Variants in IGF2 observed in about 807,000 individuals in gnomAD.
IGF2 encodes insulin like growth factor 2, also known as insulin-like growth factor 2.
Under a neutral mutation model 12.0 loss-of-function variants are expected in IGF2, and 2 were observed. The observed-to-expected ratio is 0.17, with a 90% CI of 0.07 to 0.52. The LOEUF is 0.52. Ranked by LOEUF, IGF2 falls within the 20% of genes least tolerant of loss-of-function variation. The pLI, the probability that IGF2 is intolerant of heterozygous loss-of-function variation, is 0.95. For synonymous variants in IGF2, 105 were observed against 110.1 expected (o/e 0.95, Z 0.29); for missense variants, 211 against 268.0 (o/e 0.79, Z 1.48).
In IGF2 at chr11:2,133,355, G is replaced by A. The variant is rs1858754064; in HGVS notation, c.307-132C>T. ...GCTAATGTCCACGGGCAGAGGGACA[G>A]AAGGAGCCAGCGTCTGAGCTGCTCC... is the stretch of plus-strand genomic sequence containing the variant. On this transcript the variant is annotated intron_variant, in intron 3 of 3. Coordinates refer to ENST00000416167, the MANE Select transcript of IGF2 (RefSeq NM_000612.6). The surrounding 1 kb of genome is among the most constrained non-coding windows in gnomAD (Gnocchi z 8.9). 4 of 1,003,378 alleles carry A rather than the reference G, an allele frequency of 4.0e-6. No individual in the cohort carries two copies. The highest frequency in any genetic ancestry group is 5.8e-6 in the Non-Finnish European group (4 of 692,438). The allele number at this position is 1,003,378 out of a possible 1,614,324, so 62.2% of individuals were successfully genotyped here. A position where few individuals can be genotyped will look rare whatever the true frequency, so the allele number is the denominator to read the frequency against.
chr11:2,144,669 C>T (rs1859806501), upstream of IGF2, among the ~76,000 whole-genome samples: 1 of 152,088 alleles, frequency 6.6e-6, no homozygotes, highest in Non-Finnish European at 1.5e-5. Flanking sequence ...ATTAAACCCG[C>T]ATGCAGGCGC....
upstream of IGF2, chr11:2,140,518 G>A (rs1454715023): frequency 1.8e-6 from 1 of 558,602 alleles, no homozygotes; most frequent in Non-Finnish European, 3.1e-6. Context: ...GGAGTCCTAG[G>A]CCCGCGGGCT....
Position 2,133,143 on chromosome 11 carries a change from G to T in IGF2, c.387C>A (p.Gly129=). The change falls in exon 4 of 4, where the codon GGC becomes GGA. Residue 129 remains glycine (G), a synonymous_variant. Transcript: ENST00000416167. This position sits in a 1 kb window ranked among gnomAD's most constrained non-coding sequence, Gnocchi z 8.9. The stretch of plus-strand genomic sequence containing the variant: ...GGCGGGCACGCAGGAGGGCAGGCAG[G>T]CCCCTGCGCAGGCGCTGGGTGGACT... The part of the protein sequence containing the change: ...WKQSTQRLRR[G]LPALLRARRG... The T allele has an allele frequency of 2.5e-6, 4 of 1,602,342 alleles. No homozygotes were observed. The highest frequency in any genetic ancestry group is 3.4e-6 in the Non-Finnish European group (4 of 1,173,774).
chr11:2,131,700 T>C lies in IGF2; in HGVS notation c.*1287A>G. The C allele has an allele frequency of 4.7e-6, 1 of 211,448 alleles. No homozygotes were observed. 13.1% of individuals were successfully genotyped at this position (211,448 alleles called of 1,614,324 possible). On this transcript the variant is annotated 3_prime_UTR_variant, in exon 4 of 4. Transcript: ENST00000416167. ...CATGTGTGTGCTGTGTTTGTGTGTG[T>C]GCTGTGTGTGCTGTGTTCGTGTGTG... is the stretch of plus-strand genomic sequence containing the variant.
chr11:2,145,712 G>T (rs1859881483), upstream of IGF2, among the ~76,000 whole-genome samples: 1 of 152,190 alleles, frequency 6.6e-6, no homozygotes, highest in Non-Finnish European at 1.5e-5. Flanking sequence ...GGAGGAGCAG[G>T]TGGGGGAGTG....
chr11:2,138,749 A>C lies in IGF2; in HGVS notation c.-527T>G. 1.2e-6 allele frequency: 1 copy of C among 827,204 alleles called. No homozygotes were observed. Among genetic ancestry groups the C allele is most frequent in the Non-Finnish European group, 1.4e-6 (1 of 707,894 alleles). 51.2% of individuals were successfully genotyped at this position (827,204 alleles called of 1,614,324 possible). On this transcript the variant is annotated 5_prime_UTR_variant, in exon 1 of 4. Coordinates refer to ENST00000416167, the MANE Select transcript of IGF2 (RefSeq NM_000612.6). ...CTAGGAGCTGGGGGGGACGGGAGGG[A>C]GCGAAGGGAAGGTTGCGGGAGAAAG... is the stretch of plus-strand genomic sequence containing the variant.
chr11:2,145,598 C>A (rs1859872196), upstream of IGF2, among the ~76,000 whole-genome samples: 1 of 152,206 alleles, frequency 6.6e-6, no homozygotes, highest in South Asian at 2.1e-4. Flanking sequence ...CCCAGGGGGC[C>A]ACCGCTCATG....
the IGF2 span, chr11:2,147,578 C>A: frequency 8.2e-7 from 1 of 1,220,554 alleles, no homozygotes; most frequent in Non-Finnish European, 1.0e-6. The surrounding 1 kb of genome is among the most constrained non-coding windows in gnomAD (Gnocchi z 7.2). Flanking sequence ...CTCTGCCTCG[C>A]AGTTGGGGCT....
Position 2,133,300 on chromosome 11 carries a change from G to C in IGF2, c.307-77C>G. ...CCTGAGCCGCCCGCCTGACCTGACA[G>C]GCCACCCCTGTGACTGATCAGTGAC... On this transcript the variant is annotated intron_variant, in intron 3 of 3. Transcript: ENST00000416167. This position sits in a 1 kb window ranked among gnomAD's most constrained non-coding sequence, Gnocchi z 8.9. 1 of 1,131,334 alleles carries C rather than the reference G, an allele frequency of 8.8e-7. No individual in the cohort carries two copies. Among genetic ancestry groups the C allele is most frequent in the East Asian group, 2.5e-5 (1 of 39,778 alleles). 70.1% of individuals were successfully genotyped at this position (1,131,334 alleles called of 1,614,324 possible).
upstream of IGF2, chr11:2,140,207 G>A (rs74050127): frequency 1.3e-3 from 2,089 of 1,613,376 alleles, 35 homozygotes; most frequent in African/African-American, 0.025. Context: ...TCTGGATAAT[G>A]GTTACCCCGT....
Position 2,138,949 on chromosome 11 carries a change from C to G in IGF2, c.-727G>C, listed in dbSNP as rs1287581063. 1.1e-5 allele frequency: 11 copies of G among 983,370 alleles called. No individual in the cohort carries two copies. The highest frequency in any genetic ancestry group is 1.3e-5 in the Non-Finnish European group (11 of 828,650). The allele number at this position is 983,370 out of a possible 1,614,324, so 60.9% of individuals were successfully genotyped here. A position where few individuals can be genotyped will look rare whatever the true frequency, so the allele number is the denominator to read the frequency against. On this transcript the variant is annotated 5_prime_UTR_variant, in exon 1 of 4. Coordinates refer to ENST00000416167, the MANE Select transcript of IGF2 (RefSeq NM_000612.6). ...CGACGGAGCCCTCTGCCGTCGCGAG[C>G]CCGGGCCTCGGGAGGGGGACAGGCG...
In IGF2 at chr11:2,135,526, G is replaced by A. The variant is rs201281696; in HGVS notation, c.-3C>T. 24 of 1,612,738 alleles carry A rather than the reference G, an allele frequency of 1.5e-5. No homozygotes were observed. In the East Asian group the frequency reaches 4.7e-4, roughly 31 times the overall value. ...GACTTCCCCATTGGGATTCCCATTG[G>A]TGTCTGGGGGCGGGAGAGAAGTGGC... On this transcript the variant is annotated 5_prime_UTR_variant, in exon 2 of 4. Coordinates refer to ENST00000416167, the MANE Select transcript of IGF2 (RefSeq NM_000612.6).
rs757907236 is a variant in IGF2 at position 2,135,510 on chromosome 11, A to C, written c.14T>G (p.Met5Arg). The change falls in exon 2 of 4, where the codon ATG becomes AGG. Residue 5 changes from methionine to arginine, a missense_variant. By Grantham distance (91) the Met-to-Arg change is moderately conservative. Around this residue, in one of 3 missense-constraint regions of IGF2, gnomAD observed 40 missense variants for 35.7 expected, o/e 1.12. Transcript: ENST00000416167. MGIPMGKSMLVLLTF... is the reference protein window; with the variant it reads MGIPRGKSMLVLLTF... ...GAGAAGCACCAGCATCGACTTCCCC[A>C]TTGGGATTCCCATTGGTGTCTGGGG... The C allele has an allele frequency of 3.1e-6, 5 of 1,613,392 alleles. No individual in the cohort carries two copies. The highest frequency in any genetic ancestry group is 1.3e-5 in the African/African-American group (1 of 74,938).
intron 1 of IGF2, chr11:2,137,232 AAGAG>A: frequency 2.0e-6 from 2 of 996,824 alleles, no homozygotes; most frequent in Non-Finnish European, 2.4e-6. Context: ...GAGGAGGAGG[AAGAG>A]GAGGAGGAGG....
At chr11:2,135,689 G>A (rs1858962130) in intron 1 of IGF2, among the ~76,000 whole-genome samples, 160 bp from the exon 2 acceptor site, 1 of 152,226 alleles carries the variant, frequency 6.6e-6, no homozygotes, top group South Asian at 2.1e-4. Flanking sequence ...TAACACACAG[G>A]TCATAATGCC....
chr11:2,142,767 G>C (rs1405524352), upstream of IGF2, among the ~76,000 whole-genome samples: 1 of 152,180 alleles, frequency 6.6e-6, no homozygotes, highest in Non-Finnish European at 1.5e-5. This position sits in a 1 kb window ranked among gnomAD's most constrained non-coding sequence, Gnocchi z 5.7. Flanking sequence ...TGGGAACTGG[G>C]GCCGTTAGCA....
In IGF2 at chr11:2,138,085, T is replaced by TCCTCCTCCTCCC. The variant is rs1307840340; in HGVS notation, c.-7+132_-7+143dup. On this transcript the variant is annotated intron_variant, in intron 1 of 3. Coordinates refer to ENST00000416167, the MANE Select transcript of IGF2 (RefSeq NM_000612.6). ...CCGCAGCCGTCCGTCCTCCTCCTCC[T>TCCTCCTCCTCCC]CCTCCTCCTCCCCCCCGGGCTCAGC... is the stretch of plus-strand genomic sequence containing the variant. The TCCTCCTCCTCCC allele has an allele frequency of 2.1e-3, 706 of 340,894 alleles. 6 individuals are homozygous for TCCTCCTCCTCCC. The highest frequency in any genetic ancestry group is 0.015 in the African/African-American group (678 of 44,020). 21.1% of individuals were successfully genotyped at this position (340,894 alleles called of 1,614,324 possible).
At chr11:2,134,712 C>T (rs914578115) in intron 2 of IGF2, among the ~76,000 whole-genome samples, 1 of 152,168 alleles carries the variant, frequency 6.6e-6, no homozygotes, top group Non-Finnish European at 1.5e-5. Context: ...ACCCAGCCCC[C>T]CTATCTGGGG....
the IGF2 span, chr11:2,148,224 G>A: frequency 5.0e-4 from 82 of 164,320 alleles, no homozygotes; most frequent in Non-Finnish European, 1.3e-4. This position sits in a 1 kb window ranked among gnomAD's most constrained non-coding sequence, Gnocchi z 4.3. Context: ...AAGGAGATAA[G>A]GAGGGGGCCC....
Sources: allele counts gnomAD v4.1 joint callset (sites outside exome capture counted in the v4.1 genomes callset), GRCh38; gene constraint gnomAD v4.1.1; regional missense constraint gnomAD v4.1.1; non-coding constraint Gnocchi (gnomAD v3.1); transcripts MANE v1.5; gene names NCBI Gene and HGNC (gene_info 2026-07-23, HGNC 2026-07-21).